Variants in SORL1 observed in about 807,000 individuals in gnomAD.
SORL1 encodes the protein sortilin related receptor 1.
SORL1 carries 127 observed loss-of-function variants against 273.7 expected under a neutral mutation model. That is an observed-to-expected ratio of 0.46 (90% CI 0.40 to 0.54). The LOEUF is 0.54. Ranked by LOEUF, SORL1 falls within the 20% of genes least tolerant of loss-of-function variation. SORL1 has a pLI of 0.00. For synonymous variants in SORL1, 1,031 were observed against 1,067.4 expected (o/e 0.97, Z 0.66); for missense variants, 2,494 against 2,846.1 (o/e 0.88, Z 2.81).
chr11:121,586,449 T>G (rs1863110894), intron 27 of SORL1, 120 bp downstream of exon 27: 1 of 788,610 alleles, frequency 1.3e-6, no homozygotes, highest in African/African-American at 1.7e-5. Context: ...TTTAACTGAG[T>G]TGATCCCTGA....
chr11:121,585,594 G>A (rs1863088482), intron 26 of SORL1, among the ~76,000 whole-genome samples: 1 of 151,474 alleles, frequency 6.6e-6, no homozygotes, highest in South Asian at 2.1e-4. Flanking sequence ...TAATCTCTCA[G>A]GTGTAGGTTG....
chr11:121,501,726 C>T (rs970661853), intron 6 of SORL1, among the ~76,000 whole-genome samples: 10 of 152,080 alleles, frequency 6.6e-5, no homozygotes, highest in South Asian at 2.1e-4. Context: ...CAGGAAAACC[C>T]GCCCCCATGA....
chr11:121,568,442 T>C (rs1242404101), intron 22 of SORL1, among the ~76,000 whole-genome samples: 13 of 152,232 alleles, frequency 8.5e-5, no homozygotes, highest in Non-Finnish European at 1.8e-4. Context: ...TTAGAATGCC[T>C]TTGATTATCC....
rs1863719845 is a variant in SORL1, at chr11:121,621,244, C to G, written c.6064+6C>G. On this transcript the variant is annotated splice_donor_region_variant and intron_variant, in intron 44 of 47. Coordinates refer to ENST00000260197, the MANE Select transcript of SORL1 (RefSeq NM_003105.6). Reference sequence around the variant, plus strand: ...CAGCATAAAAATTACCACAGGTAAGCAGGAGAGAGGTTAGAGGTCTTCTCA... The same window carrying G: ...CAGCATAAAAATTACCACAGGTAAGGAGGAGAGAGGTTAGAGGTCTTCTCA... The G allele has an allele frequency of 3.1e-6, 5 of 1,612,750 alleles. No individual in the cohort carries two copies. The East Asian group carries it at 1.1e-4, about 36-fold the overall frequency.
chr11:121,537,184 G>A (rs1413485572), intron 12 of SORL1, among the ~76,000 whole-genome samples: 1 of 152,192 alleles, frequency 6.6e-6, no homozygotes, highest in Non-Finnish European at 1.5e-5. Flanking sequence ...CTGGAGGAAG[G>A]TATCTATGTA....
intron 1 of SORL1, among the ~76,000 whole-genome samples, chr11:121,467,924 C>A (rs1334940163): frequency 2.0e-5 from 3 of 152,086 alleles, no homozygotes; most frequent in Non-Finnish European, 4.4e-5. Context: ...AGTAAGGTCG[C>A]CTTTCAAATG....
At chr11:121,575,170 C>T (rs1477144189) in intron 24 of SORL1, among the ~76,000 whole-genome samples, 1 of 152,156 alleles carries the variant, frequency 6.6e-6, no homozygotes, top group African/African-American at 2.4e-5. Context: ...GGGGCTTATT[C>T]AAGGTGACAC....
At chr11:121,564,930 A>G (rs1449745796) in intron 21 of SORL1, among the ~76,000 whole-genome samples, 1 of 152,200 alleles carries the variant, frequency 6.6e-6, no homozygotes, top group Non-Finnish European at 1.5e-5. Flanking sequence ...ATCTTGGAAC[A>G]TTGAGTGATA....
At chr11:121,601,583 G>GT (rs11430505) in intron 32 of SORL1, among the ~76,000 whole-genome samples, 65,332 of 137,056 alleles carry the variant, frequency 0.48, 17,190 homozygotes, top group Non-Finnish European at 0.62. Flanking sequence ...TTTAATGATT[G>GT]TTTTTTTTTT....
chr11:121,490,636 G>A (rs577789132), intron 5 of SORL1, among the ~76,000 whole-genome samples: 3 of 151,316 alleles, frequency 2.0e-5, no homozygotes, highest in African/African-American at 7.3e-5. Context: ...AGCTACTTGG[G>A]AGGCTGAGGC....
chr11:121,579,246 T>G (rs186884724), intron 25 of SORL1, among the ~76,000 whole-genome samples: 4 of 152,358 alleles, frequency 2.6e-5, no homozygotes, highest in African/African-American at 9.6e-5. Flanking sequence ...AGGGCTGTTC[T>G]TCCAAACCTT....
intron 14 of SORL1, among the ~76,000 whole-genome samples, chr11:121,547,528 C>T (rs1862451459): frequency 6.6e-6 from 1 of 151,426 alleles, no homozygotes; most frequent in African/African-American, 2.4e-5. Context: ...CCATGCCCAC[C>T]CCATCTGCCT....
chr11:121,524,499 G>A (rs1030114117), intron 11 of SORL1, among the ~76,000 whole-genome samples: 1 of 152,184 alleles, frequency 6.6e-6, no homozygotes, highest in African/African-American at 2.4e-5. Context: ...AAAAGATTGT[G>A]AGTTTATCTG....
intron 6 of SORL1, among the ~76,000 whole-genome samples, chr11:121,498,160 T>A (rs969234919): frequency 2.6e-5 from 4 of 152,246 alleles, no homozygotes; most frequent in Admixed American, 2.0e-4. Context: ...CCATAGACAT[T>A]GGTTCAGTGC....
chr11:121,562,386 C>T (rs983963793), intron 21 of SORL1, among the ~76,000 whole-genome samples: 2 of 152,218 alleles, frequency 1.3e-5, no homozygotes, highest in Non-Finnish European at 2.9e-5. Context: ...GTGATTTCAG[C>T]TACCTGCGGT....
chr11:121,607,576 A>C (rs1863497850), intron 37 of SORL1, among the ~76,000 whole-genome samples: 1 of 152,116 alleles, frequency 6.6e-6, no homozygotes. Context: ...CAGCTCCTAT[A>C]CTTTTGCAGT....
chr11:121,629,449 G>C (rs751734033), intron 47 of SORL1, 47 bp from the exon 48 acceptor site: 3 of 965,432 alleles, frequency 3.1e-6, no homozygotes, highest in Non-Finnish European at 5.1e-6. Context: ...ATGGGGTCAG[G>C]TGAAAATGTG....
chr11:121,544,744 G>A (rs898523880), intron 13 of SORL1, among the ~76,000 whole-genome samples: 2 of 152,186 alleles, frequency 1.3e-5, no homozygotes, highest in Non-Finnish European at 2.9e-5. Context: ...GATGGTGCAA[G>A]GTATCTTAGC....
intron 2 of SORL1, among the ~76,000 whole-genome samples, chr11:121,477,288 G>A (rs1282014781): frequency 6.6e-6 from 1 of 152,154 alleles, no homozygotes; most frequent in African/African-American, 2.4e-5. Context: ...CTTGGGCTAC[G>A]TGGTGGAGAC....
Sources: allele counts gnomAD v4.1 joint callset (sites outside exome capture counted in the v4.1 genomes callset), GRCh38; gene constraint gnomAD v4.1.1; transcripts MANE v1.5; gene names NCBI Gene and HGNC (gene_info 2026-07-23, HGNC 2026-07-21).